The following PEBP4 variants were observed in gnomAD, a reference collection of about 807,000 sequenced individuals.
PEBP4 encodes phosphatidylethanolamine-binding protein 4.
PEBP4 carries 22 observed loss-of-function variants against 23.9 expected under a neutral mutation model. The observed-to-expected ratio is 0.92, with a 90% CI of 0.66 to 1.31. PEBP4 has a LOEUF of 1.31. Among genes scored for constraint, PEBP4 ranks in the 40% most tolerant of loss-of-function variants. The pLI is 0.00. For synonymous variants in PEBP4, 112 were observed against 99.3 expected, an observed-to-expected ratio of 1.13 and a Z score of -0.76; for missense variants, 324 against 281.7, an observed-to-expected ratio of 1.15 and a Z score of -1.07.
At chr8:22,905,864 G>A (rs912965101) in intron 3 of PEBP4, among the ~76,000 whole-genome samples, 4 of 152,186 alleles carry the variant, frequency 2.6e-5, no homozygotes, top group African/African-American at 9.7e-5. Flanking sequence ...TACACCTCAC[G>A]TGGCCCTGTT....
At chr8:22,756,615 C>G (rs921126750) in intron 4 of PEBP4, among the ~76,000 whole-genome samples, 4 of 152,210 alleles carry the variant, frequency 2.6e-5, no homozygotes, top group Non-Finnish European at 5.9e-5. Flanking sequence ...ATCTTTGCAT[C>G]CCTTCCTGCC....
At chr8:22,795,161 ATATTTTTT>A (rs1806221006) in intron 4 of PEBP4, among the ~76,000 whole-genome samples, 2 of 25,824 alleles carry the variant, frequency 7.7e-5, no homozygotes, top group African/African-American at 2.9e-4. Flanking sequence ...ATATATATAT[ATATTTTTT>A]TTTTTTTTTT....
intron 4 of PEBP4, among the ~76,000 whole-genome samples, chr8:22,738,728 G>A (rs755610381): frequency 2.0e-5 from 3 of 152,146 alleles, no homozygotes; most frequent in Non-Finnish European, 4.4e-5. Context: ...TCACATACTT[G>A]TAGTATGCTC....
intron 4 of PEBP4, among the ~76,000 whole-genome samples, chr8:22,739,530 A>C (rs1012743796): frequency 2.0e-5 from 3 of 152,088 alleles, no homozygotes; most frequent in Non-Finnish European, 4.4e-5. Context: ...TTTGCTCTCT[A>C]ACTCCGGCTG....
At chr8:22,751,852 A>G (rs1358918164) in intron 4 of PEBP4, among the ~76,000 whole-genome samples, 2 of 151,760 alleles carry the variant, frequency 1.3e-5, no homozygotes, top group African/African-American at 4.8e-5. Flanking sequence ...ATTGTCAGTC[A>G]CCCACTCTTC....
chr8:22,938,757 C>T (rs1809572473), intron 1 of PEBP4, among the ~76,000 whole-genome samples: 1 of 152,176 alleles, frequency 6.6e-6, no homozygotes, highest in Non-Finnish European at 1.5e-5. Context: ...CTGCTCCTCC[C>T]ACCTCCCATT....
At chr8:22,881,243 C>G (rs1447709068) in intron 3 of PEBP4, among the ~76,000 whole-genome samples, 1 of 152,220 alleles carries the variant, frequency 6.6e-6, no homozygotes, top group Non-Finnish European at 1.5e-5. Context: ...CTTTCTCCAT[C>G]CAGCCTAAGG....
intron 3 of PEBP4, among the ~76,000 whole-genome samples, chr8:22,822,039 G>A (rs1261736243): frequency 1.3e-5 from 2 of 151,562 alleles, no homozygotes; most frequent in Non-Finnish European, 2.9e-5. Flanking sequence ...AGCCAGGGGA[G>A]TTACTGTCAT....
At position 22,802,554 on chromosome 8, in the gene PEBP4, C is replaced by T. The variant is rs1806407969; in HGVS notation, c.357+15083G>A. Among the ~76,000 whole-genome samples, 3 of 152,384 alleles carry T rather than the reference C, an allele frequency of 2.0e-5. 1 individual carries two copies. The South Asian group carries it at 6.2e-4, about 32-fold the overall frequency. On this transcript the variant is annotated intron_variant, in intron 4 of 6. Coordinates refer to ENST00000256404, the MANE Select transcript of PEBP4 (RefSeq NM_144962.3). ...ACTGACCTGACACTGGTTCCAACCA[C>T]AGGTCACAAATCACTAGAGAAGTAG...
intron 4 of PEBP4, among the ~76,000 whole-genome samples, chr8:22,739,231 C>G (rs1427677766): frequency 1.3e-5 from 2 of 152,176 alleles, no homozygotes. Context: ...CCAGGTGCTG[C>G]CCTCCTCCCG....
At chr8:22,803,719 C>G (rs780624559) in intron 4 of PEBP4, among the ~76,000 whole-genome samples, 2 of 152,044 alleles carry the variant, frequency 1.3e-5, no homozygotes, top group Non-Finnish European at 2.9e-5. Flanking sequence ...GTGAACATGT[C>G]TAAGACAGAG....
chr8:22,897,435 A>C (rs1219281975), intron 3 of PEBP4, among the ~76,000 whole-genome samples: 1 of 151,944 alleles, frequency 6.6e-6, no homozygotes, highest in Non-Finnish European at 1.5e-5. Context: ...CCAAAAACAA[A>C]CCCTTTCATC....
intron 3 of PEBP4, among the ~76,000 whole-genome samples, chr8:22,905,251 T>G (rs761594889): frequency 6.6e-6 from 1 of 152,068 alleles, no homozygotes; most frequent in Non-Finnish European, 1.5e-5. Context: ...AACTTTCTTC[T>G]TTCTATAATC....
intron 3 of PEBP4, among the ~76,000 whole-genome samples, chr8:22,918,966 C>T (rs1205400775): frequency 6.6e-6 from 1 of 151,974 alleles, no homozygotes; most frequent in African/African-American, 2.4e-5. Flanking sequence ...CACTTTATTG[C>T]TCGTCTTCCC....
chr8:22,821,358 T>C (rs76038715), intron 3 of PEBP4, among the ~76,000 whole-genome samples: 4,638 of 152,062 alleles, frequency 0.031, 77 homozygotes, highest in South Asian at 0.048. Flanking sequence ...AGGAGAGACA[T>C]GTGTACTGCA....
intron 2 of PEBP4, among the ~76,000 whole-genome samples, chr8:22,926,588 C>A (rs1331528032): frequency 6.6e-6 from 1 of 152,118 alleles, no homozygotes; most frequent in Non-Finnish European, 1.5e-5. Flanking sequence ...CTCAAGTGAT[C>A]CTCCACCTTG....
chr8:22,784,457 TGGAGTA>T (rs1805988428), intron 4 of PEBP4, among the ~76,000 whole-genome samples: 1 of 152,170 alleles, frequency 6.6e-6, no homozygotes. Flanking sequence ...ACTGAGGCAA[TGGAGTA>T]GCTGAGACAG....
intron 4 of PEBP4, among the ~76,000 whole-genome samples, chr8:22,730,345 A>G (rs1328734937): frequency 1.3e-5 from 2 of 152,226 alleles, no homozygotes; most frequent in African/African-American, 2.4e-5. Context: ...GAGACCGAAC[A>G]GTTTAGGCAA....
At chr8:22,891,703 C>T (rs1450372024) in intron 3 of PEBP4, among the ~76,000 whole-genome samples, 1 of 152,222 alleles carries the variant, frequency 6.6e-6, no homozygotes, top group Non-Finnish European at 1.5e-5. Flanking sequence ...AGGAATGGAG[C>T]TGGGATTATA....
Sources: gnomAD v4.1 joint callset for allele counts (sites outside exome capture counted in the v4.1 genomes callset) on GRCh38, gnomAD v4.1.1 for gene constraint, MANE v1.5 for transcripts, NCBI Gene and HGNC (gene_info 2026-07-23, HGNC 2026-07-21) for gene names.